The following SMAD3 variants were observed in gnomAD, a reference collection of about 807,000 sequenced individuals.
SMAD3 encodes the protein MAD homolog 3.
In SMAD3, 12 loss-of-function variants were observed where a neutral mutation model predicts 51.8. The ratio of observed to expected loss-of-function variants is 0.23; its 90% CI spans 0.15 to 0.38. The LOEUF (loss-of-function observed/expected upper bound fraction) is 0.38. SMAD3 is among the 10% of genes least tolerant of loss of function. The pLI is 1.00. For missense variants in SMAD3, 294 were observed against 565.6 expected (o/e 0.52, Z 4.87); for synonymous variants, 238 against 227.7 (o/e 1.05, Z -0.41).
chr15:67,068,361 T>C (rs779679948), intron 1 of SMAD3, among the ~76,000 whole-genome samples: 51 of 152,242 alleles, frequency 3.3e-4, no homozygotes, highest in Admixed American at 2.9e-3. Flanking sequence ...TGGATCTTTG[T>C]ATGTGCGGTT....
chr15:67,129,894 C>T (rs562141419), intron 1 of SMAD3, among the ~76,000 whole-genome samples: 1 of 152,310 alleles, frequency 6.6e-6, no homozygotes, highest in East Asian at 1.9e-4. Flanking sequence ...CAAGTGCTGC[C>T]ATGTGGCTGG....
intron 1 of SMAD3, among the ~76,000 whole-genome samples, chr15:67,104,137 G>GC (rs1202596116): frequency 6.6e-6 from 1 of 152,068 alleles, no homozygotes; most frequent in African/African-American, 2.4e-5. Context: ...ATTTTCGTCT[G>GC]CCCCCCATCT....
chr15:67,111,077 A>G (rs959653340), intron 1 of SMAD3, among the ~76,000 whole-genome samples: 1 of 152,226 alleles, frequency 6.6e-6, no homozygotes, highest in Non-Finnish European at 1.5e-5. Flanking sequence ...GAGTTGTACA[A>G]CCATCATCAC....
At position 67,096,356 on chromosome 15, in the gene SMAD3, G is replaced by C. The variant is rs138358273; in HGVS notation, c.206+29996G>C. Among the ~76,000 whole-genome samples, 245 of 152,264 alleles carry C rather than the reference G, an allele frequency of 1.6e-3. 1 individual carries two copies. The highest frequency in any genetic ancestry group is 5.3e-3 in the African/African-American group (221 of 41,542). On this transcript the variant is annotated intron_variant, in intron 1 of 8. Transcript: ENST00000327367. Reference sequence around the variant, plus strand: ...GAGTTAGCTTTATGGATGTTTCTCTGGTTCTGGTACATCACAAAATGCACA... The same window carrying C: ...GAGTTAGCTTTATGGATGTTTCTCTCGTTCTGGTACATCACAAAATGCACA...
intron 1 of SMAD3, among the ~76,000 whole-genome samples, chr15:67,126,709 G>T (rs952197188): frequency 2.6e-5 from 4 of 152,170 alleles, no homozygotes; most frequent in Admixed American, 2.6e-4. Flanking sequence ...CACACAGTAG[G>T]CCCTTGGTAA....
At chr15:67,079,757 C>G (rs1251548841) in intron 1 of SMAD3, among the ~76,000 whole-genome samples, 1 of 152,180 alleles carries the variant, frequency 6.6e-6, no homozygotes, top group Non-Finnish European at 1.5e-5. Flanking sequence ...AATCTTAACT[C>G]TGGTCTCTGG....
At chr15:67,180,291 G>A (rs545453626) in intron 5 of SMAD3, among the ~76,000 whole-genome samples, 97 of 152,222 alleles carry the variant, frequency 6.4e-4, no homozygotes, top group Non-Finnish European at 1.3e-3. Flanking sequence ...GAGGCGTGCA[G>A]TAGGAGGGCA....
At chr15:67,069,351 C>T (rs1960000877) in intron 1 of SMAD3, among the ~76,000 whole-genome samples, 1 of 152,178 alleles carries the variant, frequency 6.6e-6, no homozygotes, top group Non-Finnish European at 1.5e-5. Context: ...ATAACAGCCT[C>T]TCATGCCTCA....
At chr15:67,111,224 C>T (rs1158041079) in intron 1 of SMAD3, among the ~76,000 whole-genome samples, 1 of 152,232 alleles carries the variant, frequency 6.6e-6, no homozygotes, top group Non-Finnish European at 1.5e-5. Context: ...TTGGACATTT[C>T]ATGTAGATGA....
In SMAD3 at chr15:67,125,895, G is replaced by A. The variant is rs8028147; in HGVS notation, c.207-39000G>A. The A allele has an allele frequency of 0.23, 227,065 of 985,042 alleles. 28,673 individuals carry two copies. The highest frequency in any genetic ancestry group is 0.6 in the East Asian group (5,358 of 8,894). The allele number at this position is 985,042 out of a possible 1,614,324, so 61.0% of individuals were successfully genotyped here. A position where few individuals can be genotyped will look rare whatever the true frequency, so the allele number is the denominator to read the frequency against. ...GCTCGCTTCACCAGGAACCCCACAC[G>A]CTGGGTTCCCACAGGATGCGACATT... On this transcript the variant is annotated intron_variant, in intron 1 of 8. Coordinates refer to ENST00000327367, the MANE Select transcript of SMAD3 (RefSeq NM_005902.4).
At chr15:67,136,455 G>A (rs1961665488) in intron 1 of SMAD3, among the ~76,000 whole-genome samples, 1 of 151,904 alleles carries the variant, frequency 6.6e-6, no homozygotes, top group Non-Finnish European at 1.5e-5. Flanking sequence ...TCAGCCTCCT[G>A]AGTAGCTGGT....
At chr15:67,184,480 G>T (rs1447564123) in intron 6 of SMAD3, among the ~76,000 whole-genome samples, 3 of 152,144 alleles carry the variant, frequency 2.0e-5, no homozygotes, top group Non-Finnish European at 2.9e-5. Context: ...CTACTCAGTG[G>T]CAAAGGCTGT....
rs62014610 is a variant in SMAD3, at chr15:67,193,662, C to T, written c.*3126C>T. The T allele has an allele frequency of 2.3e-3, 546 of 233,232 alleles. 1 individual carries two copies. Among genetic ancestry groups the T allele is most frequent in the Non-Finnish European group, 3.2e-3 (382 of 117,810 alleles). 14.4% of individuals were successfully genotyped at this position (233,232 alleles called of 1,614,324 possible). A position where few individuals can be genotyped will look rare whatever the true frequency, so the allele number is the denominator to read the frequency against. On this transcript the variant is annotated 3_prime_UTR_variant, in exon 9 of 9. Coordinates refer to ENST00000327367, the MANE Select transcript of SMAD3 (RefSeq NM_005902.4). Reference sequence around the variant, plus strand: ...ACATGAGGGCAAGGCTGCTGGCAGACGTCTCCATTGTCCTTATGTTGTCTG... The same window carrying T: ...ACATGAGGGCAAGGCTGCTGGCAGATGTCTCCATTGTCCTTATGTTGTCTG...
chr15:67,168,447 A>C (rs1369679242), intron 4 of SMAD3, among the ~76,000 whole-genome samples: 1 of 152,232 alleles, frequency 6.6e-6, no homozygotes, highest in Non-Finnish European at 1.5e-5. Flanking sequence ...GCAAGCTTGC[A>C]GCTATTCAGT....
chr15:67,146,874 T>G (rs1961989113), intron 1 of SMAD3: 1 of 152,162 alleles, frequency 6.6e-6, no homozygotes, highest in Non-Finnish European at 1.5e-5. Flanking sequence ...CGGGGTTGAT[T>G]TGGGAGCTAG....
At chr15:67,162,198 A>C (rs1372616619) in intron 1 of SMAD3, among the ~76,000 whole-genome samples, 1 of 152,086 alleles carries the variant, frequency 6.6e-6, no homozygotes, top group Non-Finnish European at 1.5e-5. Flanking sequence ...TGTTGGTGGC[A>C]TCTGGCCAGC....
intron 8 of SMAD3, 112 bp from the exon 9 acceptor site, chr15:67,190,301 C>A: frequency 2.0e-6 from 2 of 1,019,150 alleles, no homozygotes; most frequent in South Asian, 1.4e-5. Context: ...CAGCGTCTAA[C>A]AGCATCTTTG....
rs533579767 is a variant in SMAD3 at position 67,172,212 on chromosome 15, T to G, written c.658+1608T>G. ...TGTTGACATAATTCTCCCTCCCTAC[T>G]GCCCCTTCCTCGGGCAGCTTGCCTG... On this transcript the variant is annotated intron_variant, in intron 5 of 8. Transcript: ENST00000327367. 6.6e-5 allele frequency among the ~76,000 whole-genome samples: 10 copies of G among 151,854 alleles called. No homozygotes were observed. In the South Asian group the frequency reaches 2.1e-3, roughly 31 times the overall value.
rs1380944498 is a variant in SMAD3 at position 67,192,877 on chromosome 15, CT to C, written c.*2343del. On this transcript the variant is annotated 3_prime_UTR_variant, in exon 9 of 9. Coordinates refer to ENST00000327367, the MANE Select transcript of SMAD3 (RefSeq NM_005902.4). Reference sequence around the variant, plus strand: ...CCTCATTGCTCAGACCTGAAGGCTACTTCTAGGAGCATGAAGTTTGAGTTTT... The same window carrying C: ...CCTCATTGCTCAGACCTGAAGGCTACTCTAGGAGCATGAAGTTTGAGTTTT... 5 of 233,266 alleles carry C rather than the reference CT, an allele frequency of 2.1e-5. No individual in the cohort carries two copies. Among genetic ancestry groups the C allele is most frequent in the Non-Finnish European group, 4.2e-5 (5 of 118,024 alleles). 14.4% of individuals were successfully genotyped at this position (233,266 alleles called of 1,614,324 possible).
Sources: allele counts gnomAD v4.1 joint callset (sites outside exome capture counted in the v4.1 genomes callset), GRCh38; gene constraint gnomAD v4.1.1; transcripts MANE v1.5; gene names NCBI Gene and HGNC (gene_info 2026-07-23, HGNC 2026-07-21).